CDH18: variants seen among roughly 807,000 people sequenced by gnomAD.
CDH18 encodes cadherin 18.
A neutral mutation model predicts 67.9 loss-of-function variants in CDH18; 31 were observed. The observed-to-expected ratio is 0.46, with a 90% CI of 0.34 to 0.62. The LOEUF is 0.62. Among genes scored for constraint, CDH18 ranks in the 20% least tolerant of loss-of-function variants. The pLI, the probability that CDH18 is intolerant of heterozygous loss-of-function variation, is 0.01. For missense variants in CDH18, 890 were observed against 975.5 expected, an observed-to-expected ratio of 0.91 and a Z score of 1.17; for synonymous variants, 362 against 347.2, an observed-to-expected ratio of 1.04 and a Z score of -0.48.
intron 3 of CDH18, among the ~76,000 whole-genome samples, chr5:19,792,980 T>TTA: frequency 6.6e-6 from 1 of 152,232 alleles, no homozygotes; most frequent in East Asian, 1.9e-4. Flanking sequence ...GTCATAGCCT[T>TTA]TATAGCTTGG....
chr5:19,490,397 T>TG lies in CDH18; in HGVS notation c.1631-6846_1631-6845insC, dbSNP rs1561183392. Among the ~76,000 whole-genome samples the TG allele has an allele frequency of 1.9e-4, 12 of 64,722 alleles. No individual in the cohort carries two copies. In the East Asian group the frequency reaches 4.9e-3, roughly 26 times the overall value. The allele number at this position is 64,722 out of a possible 152,430, so 42.5% of individuals were successfully genotyped here. A position where few individuals can be genotyped will look rare whatever the true frequency, so the allele number is the denominator to read the frequency against. ...TATATCACATATATAAAAATCTGTT[T>TG]TTTTTTTTTTTTTTTTTTTTTTTTT... On this transcript the variant is annotated intron_variant, in intron 11 of 12. Coordinates refer to ENST00000382275, the MANE Select transcript of CDH18 (RefSeq NM_004934.5).
At chr5:20,462,174 A>G (rs2150225310) in intron 1 of CDH18, among the ~76,000 whole-genome samples, 1 of 152,348 alleles carries the variant, frequency 6.6e-6, no homozygotes, top group East Asian at 1.9e-4. Flanking sequence ...ACATAATGGA[A>G]GAGCATCTGT....
At chr5:19,532,116 T>C (rs1449915505) in intron 9 of CDH18, among the ~76,000 whole-genome samples, 3 of 152,192 alleles carry the variant, frequency 2.0e-5, no homozygotes, top group Non-Finnish European at 4.4e-5. Flanking sequence ...GAGTGATGTA[T>C]TCTGAGGCAT....
chr5:19,942,110 G>T (rs1029207636), intron 2 of CDH18, among the ~76,000 whole-genome samples: 2 of 152,098 alleles, frequency 1.3e-5, no homozygotes, highest in Non-Finnish European at 2.9e-5. Context: ...ATGGTTCAGG[G>T]TCAAGAAGTA....
intron 1 of CDH18, among the ~76,000 whole-genome samples, chr5:20,462,918 G>C (rs1301867414): frequency 6.6e-6 from 1 of 152,166 alleles, no homozygotes; most frequent in Non-Finnish European, 1.5e-5. Context: ...AGAAATTAAA[G>C]ATTGTTCTAC....
chr5:20,048,746 A>G (rs1328999011), intron 2 of CDH18, among the ~76,000 whole-genome samples: 1 of 151,632 alleles, frequency 6.6e-6, no homozygotes, highest in East Asian at 1.9e-4. Context: ...GATATTCAAT[A>G]AATCTTCTGA....
intron 1 of CDH18, among the ~76,000 whole-genome samples, chr5:20,564,351 C>T (rs965298110): frequency 1.3e-5 from 2 of 151,516 alleles, no homozygotes; most frequent in Non-Finnish European, 2.9e-5. Flanking sequence ...AATCTCTGCT[C>T]ACTGAGACCT....
intron 2 of CDH18, among the ~76,000 whole-genome samples, chr5:19,892,523 C>A (rs1561516620): frequency 6.6e-6 from 1 of 152,074 alleles, no homozygotes; most frequent in Non-Finnish European, 1.5e-5. Flanking sequence ...GATCTGTAAT[C>A]CTCATGTGCA....
At chr5:20,433,799 G>A (rs913280598) in intron 1 of CDH18, among the ~76,000 whole-genome samples, 1 of 152,014 alleles carries the variant, frequency 6.6e-6, no homozygotes, top group Non-Finnish European at 1.5e-5. Context: ...GAAAAAAAGG[G>A]TTATGGCTGA....
chr5:20,406,187 T>C (rs1252876614), intron 1 of CDH18, among the ~76,000 whole-genome samples: 1 of 152,132 alleles, frequency 6.6e-6, no homozygotes, highest in Non-Finnish European at 1.5e-5. Context: ...CCAACCCAAA[T>C]GTCCAACAAT....
chr5:20,268,626 T>C (rs1580627192), intron 1 of CDH18, among the ~76,000 whole-genome samples: 1 of 150,516 alleles, frequency 6.6e-6, no homozygotes, highest in Non-Finnish European at 1.5e-5. Flanking sequence ...ACTTGGGAGG[T>C]TGAGGTGGGA....
chr5:20,200,192 C>T (rs556896904), intron 2 of CDH18, among the ~76,000 whole-genome samples: 29 of 152,148 alleles, frequency 1.9e-4, no homozygotes, highest in Admixed American at 7.9e-4. Flanking sequence ...TTGTACTTTT[C>T]GGTTAATGAT....
intron 3 of CDH18, among the ~76,000 whole-genome samples, chr5:19,799,898 G>A (rs776806219): frequency 6.6e-6 from 1 of 152,078 alleles, no homozygotes; most frequent in Non-Finnish European, 1.5e-5. Flanking sequence ...CTTTATGTGA[G>A]TTTCCCCAGT....
chr5:19,553,422 A>AAAAT (rs1261152278), intron 8 of CDH18, among the ~76,000 whole-genome samples: 2 of 151,722 alleles, frequency 1.3e-5, no homozygotes, highest in South Asian at 2.1e-4. Flanking sequence ...TAAAATTAAA[A>AAAAT]AAATAAATAA....
chr5:20,402,253 T>C (rs1158969591), intron 1 of CDH18, among the ~76,000 whole-genome samples: 2 of 152,184 alleles, frequency 1.3e-5, no homozygotes, highest in African/African-American at 4.8e-5. Context: ...CCAGAATGTC[T>C]CTCAATCTGA....
At chr5:20,037,486 A>G (rs947403685) in intron 2 of CDH18, among the ~76,000 whole-genome samples, 7 of 152,158 alleles carry the variant, frequency 4.6e-5, no homozygotes, top group African/African-American at 1.7e-4. Context: ...ATGCAAAAGA[A>G]CAGAAATCAT....
chr5:20,521,105 A>G (rs1755714705), intron 1 of CDH18, among the ~76,000 whole-genome samples: 1 of 152,210 alleles, frequency 6.6e-6, no homozygotes, highest in African/African-American at 2.4e-5. Context: ...AAATGAAATA[A>G]TTGACCCAGA....
intron 6 of CDH18, among the ~76,000 whole-genome samples, chr5:19,603,914 G>T (rs1374079091): frequency 1.3e-5 from 2 of 151,342 alleles, no homozygotes; most frequent in Non-Finnish European, 2.9e-5. Flanking sequence ...AGTAGTACTA[G>T]AATAATTTAT....
At chr5:20,156,736 G>A (rs755238008) in intron 2 of CDH18, among the ~76,000 whole-genome samples, 2 of 152,040 alleles carry the variant, frequency 1.3e-5, no homozygotes, top group African/African-American at 2.4e-5. Context: ...AACAAAAGGA[G>A]GGAGGAAGTA....
Sources: gnomAD v4.1 joint callset for allele counts (sites outside exome capture counted in the v4.1 genomes callset) on GRCh38, gnomAD v4.1.1 for gene constraint, MANE v1.5 for transcripts, NCBI Gene and HGNC (gene_info 2026-07-23, HGNC 2026-07-21) for gene names.